DLG2: variants seen among roughly 807,000 people sequenced by gnomAD.
DLG2 encodes disks large homolog 2.
DLG2 carries 45 observed loss-of-function variants against 132.5 expected under a neutral mutation model. That is an observed-to-expected ratio of 0.34 (90% CI 0.27 to 0.44). The LOEUF (loss-of-function observed/expected upper bound fraction) is 0.44, where lower values mean the gene tolerates loss of function less well. Among genes scored for constraint, DLG2 ranks in the 20% least tolerant of loss-of-function variants. The pLI, the probability that DLG2 is intolerant of heterozygous loss-of-function variation, is 1.00. For synonymous variants in DLG2, 424 were observed against 419.6 expected (o/e 1.01, Z -0.13); for missense variants, 1,045 against 1,196.9 (o/e 0.87, Z 1.87).
At chr11:84,432,536 T>TC (rs5793121) in intron 7 of DLG2, among the ~76,000 whole-genome samples, 24,833 of 152,042 alleles carry the variant, frequency 0.16, 3,912 homozygotes, top group African/African-American at 0.41. Flanking sequence ...GCTAATTTAA[T>TC]CCCCTCCCTC....
intron 11 of DLG2, among the ~76,000 whole-genome samples, chr11:83,983,097 A>C (rs1037812363): frequency 6.6e-6 from 1 of 152,110 alleles, no homozygotes; most frequent in Non-Finnish European, 1.5e-5. Context: ...TAAATGACAC[A>C]TGAATGTATT....
intron 7 of DLG2, chr11:84,273,355 C>T (rs2154365755): frequency 7.6e-7 from 1 of 1,311,184 alleles, no homozygotes; most frequent in South Asian, 2.3e-5. Flanking sequence ...ACATAAACTT[C>T]TTAATTAGAT....
intron 3 of DLG2, among the ~76,000 whole-genome samples, chr11:85,344,188 C>G (rs1213890669): frequency 6.6e-6 from 1 of 152,082 alleles, no homozygotes; most frequent in African/African-American, 2.4e-5. Context: ...TTAAGTAGAC[C>G]TGTTGGCTTC....
In DLG2 at chr11:84,883,875, T is replaced by C. The variant is rs575864662; in HGVS notation, c.357+227786A>G. 1.6e-3 allele frequency among the ~76,000 whole-genome samples: 241 copies of C among 152,248 alleles called. 2 individuals carry two copies. The highest frequency in any genetic ancestry group is 5.6e-3 in the African/African-American group (233 of 41,552). ...TGTGTGTCTGGATCTTCATTCACTC[T>C]GTGGAATCTGTATTCTATGGAATTT... is the stretch of plus-strand genomic sequence containing the variant. On this transcript the variant is annotated intron_variant, in intron 6 of 27. Coordinates refer to ENST00000376104, the MANE Select transcript of DLG2 (RefSeq NM_001142699.3).
chr11:84,833,264 A>C (rs1045366682), intron 6 of DLG2, among the ~76,000 whole-genome samples: 4 of 151,604 alleles, frequency 2.6e-5, no homozygotes, highest in African/African-American at 9.7e-5. Context: ...TGAGCTAATA[A>C]ATTCACATCA....
chr11:84,943,285 T>G (rs541738944), intron 6 of DLG2, among the ~76,000 whole-genome samples: 2 of 151,952 alleles, frequency 1.3e-5, no homozygotes, highest in South Asian at 4.2e-4. Context: ...GAAGGCTTAT[T>G]CCTGTCAATT....
chr11:84,294,281 T>G (rs17147160), intron 7 of DLG2, among the ~76,000 whole-genome samples: 25,262 of 151,988 alleles, frequency 0.17, 2,364 homozygotes, highest in African/African-American at 0.23. Flanking sequence ...AAGTAAAAAT[T>G]AGGAAATTGA....
chr11:85,274,783 T>C (rs1256011240), intron 4 of DLG2, among the ~76,000 whole-genome samples: 2 of 152,156 alleles, frequency 1.3e-5, no homozygotes, highest in Non-Finnish European at 2.9e-5. Flanking sequence ...ATCTGTTTGA[T>C]CGTAAGTCAT....
In DLG2 at chr11:84,290,958, C is replaced by A. The variant is rs745866021; in HGVS notation, c.520-39667G>T. Among the ~76,000 whole-genome samples, 3 of 152,100 alleles carry A rather than the reference C, an allele frequency of 2.0e-5. No individual in the cohort carries two copies. In the East Asian group the frequency reaches 5.8e-4, roughly 29 times the overall value. On this transcript the variant is annotated intron_variant, in intron 7 of 27. Transcript: ENST00000376104. Reference sequence around the variant, plus strand: ...AAAAATGGGGAAGAAAAGTAACTAACCCCTATATTTTTGTGAAGATGTCTA... The same window carrying A: ...AAAAATGGGGAAGAAAAGTAACTAAACCCTATATTTTTGTGAAGATGTCTA...
chr11:84,993,859 G>T (rs1194424044), intron 6 of DLG2, among the ~76,000 whole-genome samples: 2 of 152,026 alleles, frequency 1.3e-5, no homozygotes, highest in Admixed American at 6.6e-5. Context: ...ATCTATCAGT[G>T]TACGTTTATT....
intron 7 of DLG2, among the ~76,000 whole-genome samples, chr11:84,515,284 C>G (rs1269235652): frequency 1.3e-5 from 2 of 148,668 alleles, no homozygotes; most frequent in African/African-American, 2.5e-5. Context: ...AATACACACA[C>G]ACACACACAC....
intron 15 of DLG2, among the ~76,000 whole-genome samples, chr11:83,897,323 T>C (rs2154094632): frequency 6.6e-6 from 1 of 152,176 alleles, no homozygotes. Flanking sequence ...AAAGAAGCAA[T>C]GAGGAAACAA....
intron 3 of DLG2, among the ~76,000 whole-genome samples, chr11:85,324,243 G>C (rs555444130): frequency 3.4e-4 from 52 of 152,110 alleles, no homozygotes; most frequent in African/African-American, 1.2e-3. Context: ...GCTTCTACTT[G>C]TATTTTTTTG....
At chr11:84,910,900 T>C (rs941104960) in intron 6 of DLG2, among the ~76,000 whole-genome samples, 2 of 152,306 alleles carry the variant, frequency 1.3e-5, no homozygotes, top group East Asian at 1.9e-4. Flanking sequence ...TATTAAGTGT[T>C]ACACTAGAAG....
intron 6 of DLG2, among the ~76,000 whole-genome samples, chr11:84,709,409 G>C (rs2060127208): frequency 6.6e-6 from 1 of 151,954 alleles, no homozygotes. Flanking sequence ...GTAAGAGAAA[G>C]AAAACTAATA....
intron 12 of DLG2, among the ~76,000 whole-genome samples, chr11:83,972,376 A>G (rs1490711385): frequency 6.6e-6 from 1 of 152,110 alleles, no homozygotes; most frequent in East Asian, 1.9e-4. Context: ...AGTTGAAAAG[A>G]CTCTGTATGA....
At chr11:85,265,007 A>C (rs1316684926) in intron 4 of DLG2, among the ~76,000 whole-genome samples, 1 of 152,204 alleles carries the variant, frequency 6.6e-6, no homozygotes, top group Non-Finnish European at 1.5e-5. Context: ...TGTAGCTCCT[A>C]GTAAAAACCA....
intron 3 of DLG2, among the ~76,000 whole-genome samples, chr11:85,410,651 G>C (rs2089227969): frequency 1.3e-5 from 2 of 151,732 alleles, no homozygotes; most frequent in African/African-American, 4.8e-5. Flanking sequence ...TGAAGTATTT[G>C]TCATAAAAAT....
intron 5 of DLG2, among the ~76,000 whole-genome samples, chr11:85,114,992 A>G (rs2073359296): frequency 6.6e-6 from 1 of 151,950 alleles, no homozygotes; most frequent in African/African-American, 2.4e-5. Flanking sequence ...TGTTTCATTA[A>G]AATAGCATGT....
Sources: allele counts gnomAD v4.1 joint callset (sites outside exome capture counted in the v4.1 genomes callset), GRCh38; gene constraint gnomAD v4.1.1; transcripts MANE v1.5; gene names NCBI Gene and HGNC (gene_info 2026-07-23, HGNC 2026-07-21).